MPRIP: variants seen among roughly 807,000 people sequenced by gnomAD.
MPRIP encodes myosin phosphatase Rho interacting protein, also known as myosin phosphatase Rho-interacting protein.
MPRIP carries 59 observed loss-of-function variants against 234.9 expected under a neutral mutation model. That is an observed-to-expected ratio of 0.25 (90% CI 0.20 to 0.31). The LOEUF (loss-of-function observed/expected upper bound fraction) is 0.31, where lower values mean the gene tolerates loss of function less well. MPRIP is among the 10% of genes least tolerant of loss of function. The pLI, the probability that MPRIP is intolerant of heterozygous loss-of-function variation, is 1.00. For synonymous variants in MPRIP, 1,144 were observed against 1,263.9 expected (o/e 0.91, Z 2.01); for missense variants, 2,436 against 3,071.0 (o/e 0.79, Z 4.89).
Position 17,167,739 on chromosome 17 carries a change from G to C in MPRIP, c.6148G>C (p.Ala2050Pro), listed in dbSNP as rs1336692442. 7.7e-7 allele frequency: 1 copy of C among 1,304,040 alleles called. No individual in the cohort carries two copies. The highest frequency in any genetic ancestry group is 1.0e-6 in the Non-Finnish European group (1 of 988,940). The allele number at this position is 1,304,040 out of a possible 1,614,324, so 80.8% of individuals were successfully genotyped here. The change falls in exon 16 of 24, where the codon GCC becomes CCC. Residue 2050 changes from alanine (A) to proline (P), a missense_variant. By Grantham distance (27) the Ala-to-Pro change is conservative (BLOSUM62 -1). Transcript: ENST00000651222. The surrounding 1 kb of genome is among the most constrained non-coding windows in gnomAD (Gnocchi z 5.9). The part of the protein sequence containing the change: ...GPHPKALPAP[A>P]PNWQATQGEA... ...ACACCCCAAGGCCCTGCCAGCCCCT[G>C]CCCCCAACTGGCAGGCCACCCAGGG...
At chr17:17,052,101 T>C (rs1391081315) in intron 1 of MPRIP, among the ~76,000 whole-genome samples, 2 of 152,222 alleles carry the variant, frequency 1.3e-5, no homozygotes, top group East Asian at 3.9e-4. Context: ...CCCTGAGTTT[T>C]CAGAGTGGTT....
chr17:17,162,784 G>A (rs1308238294), intron 15 of MPRIP, among the ~76,000 whole-genome samples: 1 of 152,196 alleles, frequency 6.6e-6, no homozygotes, highest in African/African-American at 2.4e-5. Flanking sequence ...AATGCTCACT[G>A]GAGCATTTCA....
At chr17:17,092,620 C>A (rs969782138) in intron 3 of MPRIP, among the ~76,000 whole-genome samples, 1 of 152,072 alleles carries the variant, frequency 6.6e-6, no homozygotes, top group Non-Finnish European at 1.5e-5. Flanking sequence ...GGGATCAGAC[C>A]CTGCGCTGAG....
intron 12 of MPRIP, among the ~76,000 whole-genome samples, chr17:17,150,697 C>CAA (rs35336436): frequency 1.3e-3 from 94 of 73,284 alleles, no homozygotes; most frequent in South Asian, 2.8e-3. Context: ...GCACTGTTCT[C>CAA]AAAAAAAAAA....
intron 3 of MPRIP, among the ~76,000 whole-genome samples, chr17:17,118,234 A>G (rs2090322414): frequency 6.6e-6 from 1 of 152,216 alleles, no homozygotes; most frequent in Non-Finnish European, 1.5e-5. Flanking sequence ...TACTTCTAGG[A>G]GCCTGATCTA....
rs2046470426 is a variant in MPRIP at position 17,186,106 on chromosome 17, A to T, written c.*1212A>T. 6.5e-6 allele frequency: 1 copy of T among 152,966 alleles called. No homozygotes were observed. Among genetic ancestry groups the T allele is most frequent in the Non-Finnish European group, 1.5e-5 (1 of 68,678 alleles). The allele number at this position is 152,966 out of a possible 1,614,324, so 9.5% of individuals were successfully genotyped here. A position where few individuals can be genotyped will look rare whatever the true frequency, so the allele number is the denominator to read the frequency against. ...TGGCCCCATGAAAACCATTAATCCCATTAAGATAGGGAGTATAAACCCCTG... is the reference window on the plus strand; with the variant it reads ...TGGCCCCATGAAAACCATTAATCCCTTTAAGATAGGGAGTATAAACCCCTG... On this transcript the variant is annotated 3_prime_UTR_variant, in exon 24 of 24. Transcript: ENST00000651222.
chr17:17,146,740 C>T (rs921764545), intron 10 of MPRIP, among the ~76,000 whole-genome samples: 2 of 152,250 alleles, frequency 1.3e-5, no homozygotes, highest in African/African-American at 4.8e-5. Flanking sequence ...CCCATCCTCA[C>T]TCCCTTCCTG....
intron 1 of MPRIP, among the ~76,000 whole-genome samples, chr17:17,045,733 C>T (rs2088324984): frequency 6.6e-6 from 1 of 152,078 alleles, no homozygotes; most frequent in Non-Finnish European, 1.5e-5. Flanking sequence ...TGTTCCAGGC[C>T]CCTGTTCACA....
At position 17,165,529 on chromosome 17, in the gene MPRIP, G is replaced by C. The variant is rs1320658851; in HGVS notation, c.3938G>C (p.Gly1313Ala). The C allele has an allele frequency of 2.3e-6, 3 of 1,304,334 alleles. No individual in the cohort carries two copies. The African/African-American group carries it at 4.6e-5, about 20-fold the overall frequency. The allele number at this position is 1,304,334 out of a possible 1,614,324, so 80.8% of individuals were successfully genotyped here. A position where few individuals can be genotyped will look rare whatever the true frequency, so the allele number is the denominator to read the frequency against. ...CAGGGCACAGCCAAACTCGACCAAGGGGCACCTGGTGTTAAAAGGCAAAGA... is the reference window on the plus strand; with the variant it reads ...CAGGGCACAGCCAAACTCGACCAAGCGGCACCTGGTGTTAAAAGGCAAAGA... ...HQQGTAKLDQ[G>A]APGVKRQRIR... Residue 1313 changes from glycine (G) to alanine (A), a missense_variant, in exon 16 of 24, where the codon GGG (glycine) becomes GCG (alanine). Physicochemically the swap from Gly to Ala is moderately conservative, Grantham distance 60 (BLOSUM62 0). Transcript: ENST00000651222.
intron 3 of MPRIP, among the ~76,000 whole-genome samples, chr17:17,108,666 T>G (rs1645466858): frequency 6.6e-6 from 1 of 152,130 alleles, no homozygotes; most frequent in Non-Finnish European, 1.5e-5. Context: ...TGAAGCTGCT[T>G]CTCCCTGCTG....
intron 23 of MPRIP, 46 bp downstream of exon 23, chr17:17,180,134 C>G (rs756128692): frequency 6.9e-7 from 1 of 1,452,994 alleles, no homozygotes; most frequent in Admixed American, 2.3e-5. Flanking sequence ...TTGAGGGACA[C>G]TGGGGAGAGT....
At chr17:17,146,294 G>T (rs532475116) in intron 10 of MPRIP, among the ~76,000 whole-genome samples, 5 of 152,234 alleles carry the variant, frequency 3.3e-5, no homozygotes, top group Admixed American at 2.6e-4. Context: ...GCAGTGGGGG[G>T]TGCTCTGGAG....
At chr17:17,107,305 C>T (rs567856938) in intron 3 of MPRIP, among the ~76,000 whole-genome samples, 29 of 152,360 alleles carry the variant, frequency 1.9e-4, no homozygotes, top group African/African-American at 6.3e-4. Flanking sequence ...GACAAAGTCA[C>T]TGAAGACAAG....
chr17:17,164,873 C>T lies in MPRIP; in HGVS notation c.3282C>T (p.Arg1094=), dbSNP rs996226429. 7.7e-7 allele frequency: 1 copy of T among 1,303,720 alleles called. No individual in the cohort carries two copies. The highest frequency in any genetic ancestry group is 1.5e-5 in the African/African-American group (1 of 65,868). The allele number at this position is 1,303,720 out of a possible 1,614,324, so 80.8% of individuals were successfully genotyped here. The change falls in exon 16 of 24, where the codon CGC becomes CGT. Residue 1094 remains arginine (R), a synonymous_variant. Coordinates refer to ENST00000651222, the MANE Select transcript of MPRIP (RefSeq NM_001364716.4). Reference sequence around the variant, plus strand: ...TGGAGGCACGAGAGGCCAGCGTGCGCAGGCTCGCAGAGCACGTGCAGAGCC... The same window carrying T: ...TGGAGGCACGAGAGGCCAGCGTGCGTAGGCTCGCAGAGCACGTGCAGAGCC... The part of the protein sequence containing the change: ...EQLEAREASV[R]RLAEHVQSLC...
In MPRIP at chr17:17,137,940, G is replaced by C; in HGVS notation, c.761G>C (p.Arg254Pro). 6.2e-7 allele frequency: 1 copy of C among 1,610,620 alleles called. No individual in the cohort carries two copies. Among genetic ancestry groups the C allele is most frequent in the Non-Finnish European group, 8.5e-7 (1 of 1,178,462 alleles). ...GAGGAGAGCGCCATGAGTAGCGACC[G>C]CATGGACTGTGGCCGCAAAGTCCGG... ...KEEESAMSSD[R>P]MDCGRKVRVE... Residue 254 changes from arginine to proline, a missense_variant, in exon 7 of 24, where the codon CGC becomes CCC. Arg to Pro is a moderately radical substitution (Grantham distance 103). Coordinates refer to ENST00000651222, the MANE Select transcript of MPRIP (RefSeq NM_001364716.4).
chr17:17,068,000 A>T (rs2089091567), intron 1 of MPRIP, among the ~76,000 whole-genome samples: 1 of 151,744 alleles, frequency 6.6e-6, no homozygotes, highest in African/African-American at 2.4e-5. Context: ...TATGTTGTCA[A>T]ATTAGTGTTG....
At chr17:17,058,890 C>T (rs1597727459) in intron 1 of MPRIP, among the ~76,000 whole-genome samples, 1 of 152,028 alleles carries the variant, frequency 6.6e-6, no homozygotes, top group Non-Finnish European at 1.5e-5. Flanking sequence ...GGCTGCTCCC[C>T]AAGCAAAGGT....
chr17:17,112,034 A>G (rs75224545), intron 3 of MPRIP, among the ~76,000 whole-genome samples: 107 of 152,282 alleles, frequency 7.0e-4, no homozygotes, highest in African/African-American at 2.6e-3. Context: ...TTGGGTAAAT[A>G]TTAATATTTA....
chr17:17,080,049 G>T (rs898821148), intron 3 of MPRIP, among the ~76,000 whole-genome samples: 3 of 152,216 alleles, frequency 2.0e-5, no homozygotes, highest in Non-Finnish European at 4.4e-5. Flanking sequence ...CTGAGAGAGG[G>T]CATGGGGGCA....
Sources: allele counts gnomAD v4.1 joint callset (sites outside exome capture counted in the v4.1 genomes callset), GRCh38; gene constraint gnomAD v4.1.1; non-coding constraint Gnocchi (gnomAD v3.1); transcripts MANE v1.5; gene names NCBI Gene and HGNC (gene_info 2026-07-23, HGNC 2026-07-21).